DAB1: variants seen among roughly 807,000 people sequenced by gnomAD.
DAB1 encodes the protein disabled homolog 1.
DAB1 carries 15 observed loss-of-function variants against 64.6 expected under a neutral mutation model. The ratio of observed to expected loss-of-function variants is 0.23; its 90% CI spans 0.16 to 0.36. The LOEUF is 0.36. Among genes scored for constraint, DAB1 ranks in the 10% least tolerant of loss-of-function variants. DAB1 has a pLI of 1.00. For missense variants in DAB1, 596 were observed against 706.7 expected (o/e 0.84, Z 1.78); for synonymous variants, 235 against 251.9 (o/e 0.93, Z 0.64).
intron 7 of DAB1, among the ~76,000 whole-genome samples, chr1:57,553,380 GAAA>G (rs1558486846): frequency 4.3e-4 from 2 of 4,618 alleles, no homozygotes; most frequent in Non-Finnish European, 6.3e-3. Context: ...AAGGAAGGAA[GAAA>G]GAGAAAGAAA....
intron 4 of DAB1, among the ~76,000 whole-genome samples, chr1:58,263,882 T>C (rs992180908): frequency 6.6e-6 from 1 of 152,328 alleles, no homozygotes; most frequent in Middle Eastern, 3.4e-3. Context: ...AAGCACAACA[T>C]AAATGAATGT....
chr1:57,760,620 T>TCA lies in DAB1; in HGVS notation n.552-110957_552-110956dup, dbSNP rs60457752. Among the ~76,000 whole-genome samples, 173 of 140,492 alleles carry TCA rather than the reference T, an allele frequency of 1.2e-3. No homozygotes were observed. In the South Asian group the frequency reaches 0.016, roughly 13 times the overall value. 92.2% of individuals were successfully genotyped at this position (140,492 alleles called of 152,430 possible). ...ACTTCTTTCTCTCTCTCTCTCTCTC[T>TCA]CACACACACACACACACACACAGAC... On this transcript the variant is annotated intron_variant and non_coding_transcript_variant, in intron 6 of 20. Transcript: ENST00000485760.
intron 3 of DAB1, among the ~76,000 whole-genome samples, chr1:58,391,417 G>T (rs1276601530): frequency 3.9e-5 from 6 of 152,228 alleles, no homozygotes; most frequent in Admixed American, 2.6e-4. Flanking sequence ...GGGCAGAGGA[G>T]GAGGGAGAAC....
intron 5 of DAB1, among the ~76,000 whole-genome samples, chr1:58,055,813 G>A (rs1290407486): frequency 1.3e-5 from 2 of 151,644 alleles, no homozygotes; most frequent in Non-Finnish European, 2.9e-5. Flanking sequence ...TCTGTCTTCT[G>A]GGCTCAAGTG....
intron 1 of DAB1, among the ~76,000 whole-genome samples, chr1:57,398,433 A>G (rs1246497486): frequency 6.6e-6 from 1 of 152,212 alleles, no homozygotes; most frequent in East Asian, 1.9e-4. Context: ...AGCAGATAAT[A>G]AAAACTTGCA....
At chr1:57,347,553 C>T (rs1052764328) in intron 1 of DAB1, among the ~76,000 whole-genome samples, 8 of 152,140 alleles carry the variant, frequency 5.3e-5, no homozygotes, top group Admixed American at 4.6e-4. Flanking sequence ...TTCCAGGGTT[C>T]AGAGCCCCCA....
chr1:58,089,932 G>C (rs1650540252), intron 5 of DAB1, among the ~76,000 whole-genome samples: 1 of 152,210 alleles, frequency 6.6e-6, no homozygotes, highest in Non-Finnish European at 1.5e-5. Context: ...AAAAATACTA[G>C]TGGCGTTTGG....
At chr1:58,405,355 A>G (rs1164860249) in intron 3 of DAB1, among the ~76,000 whole-genome samples, 1 of 151,998 alleles carries the variant, frequency 6.6e-6, no homozygotes, top group East Asian at 1.9e-4. Flanking sequence ...TGATGATCAT[A>G]ACCTATAAAT....
intron 4 of DAB1, among the ~76,000 whole-genome samples, chr1:58,285,082 A>C (rs1661652434): frequency 6.6e-6 from 1 of 152,248 alleles, no homozygotes; most frequent in Non-Finnish European, 1.5e-5. Context: ...AGATGCAGAA[A>C]AAGCCTTCGA....
At position 57,968,194 on chromosome 1, in the gene DAB1, G is replaced by A. The variant is rs1377359934; in HGVS notation, n.388-84032C>T. 4.6e-5 allele frequency among the ~76,000 whole-genome samples: 7 copies of A among 152,200 alleles called. 1 individual carries two copies. In the South Asian group the frequency reaches 1.2e-3, roughly 27 times the overall value. ...CATGGAAATGACTCTAGGGTCTCCT[G>A]TGTCCTGTTTGTCACAGAGAACTCC... is the stretch of plus-strand genomic sequence containing the variant. On this transcript the variant is annotated intron_variant and non_coding_transcript_variant, in intron 5 of 20. Coordinates refer to the DAB1 transcript ENST00000485760.
chr1:57,453,522 G>A (rs1210069583), intron 7 of DAB1, among the ~76,000 whole-genome samples: 3 of 152,116 alleles, frequency 2.0e-5, no homozygotes, highest in Non-Finnish European at 2.9e-5. Flanking sequence ...TAGGTTTGCC[G>A]ATCTGAAGAA....
chr1:57,825,765 T>C (rs931112073), downstream of DAB1, among the ~76,000 whole-genome samples: 3 of 152,204 alleles, frequency 2.0e-5, no homozygotes, highest in Non-Finnish European at 4.4e-5. Flanking sequence ...ACCTGGTGTA[T>C]AGTAAAGGTA....
At chr1:57,301,451 A>G (rs971214088) in intron 1 of DAB1, among the ~76,000 whole-genome samples, 1 of 152,122 alleles carries the variant, frequency 6.6e-6, no homozygotes, top group Non-Finnish European at 1.5e-5. Context: ...TTGCTTTTGG[A>G]GACTGAACGC....
intron 5 of DAB1, among the ~76,000 whole-genome samples, chr1:58,062,585 G>A (rs1338113117): frequency 6.6e-6 from 1 of 152,206 alleles, no homozygotes; most frequent in Non-Finnish European, 1.5e-5. Context: ...CACAGTCACA[G>A]AGCAAGGCAT....
At position 57,687,599 on chromosome 1, in the gene DAB1, CAA is replaced by C. The variant is rs57316234; in HGVS notation, n.552-37936_552-37935del. On this transcript the variant is annotated intron_variant and non_coding_transcript_variant, in intron 6 of 20. Coordinates refer to the DAB1 transcript ENST00000485760. ...GAATATCGAAAGTAATCTTAAGAAACAAAAAAAAAAAAAAAAAAAAGAAAAAA... is the reference window on the plus strand; with the variant it reads ...GAATATCGAAAGTAATCTTAAGAAACAAAAAAAAAAAAAAAAAAGAAAAAA... Among the ~76,000 whole-genome samples the C allele has an allele frequency of 2.2e-3, 181 of 82,462 alleles. 1 individual carries two copies. Among genetic ancestry groups the C allele is most frequent in the Middle Eastern group, 0.01 (1 of 98 alleles). The allele number at this position is 82,462 out of a possible 152,430, so 54.1% of individuals were successfully genotyped here. A position where few individuals can be genotyped will look rare whatever the true frequency, so the allele number is the denominator to read the frequency against.
At chr1:58,262,532 C>T (rs1205270528) in intron 4 of DAB1, among the ~76,000 whole-genome samples, 1 of 152,066 alleles carries the variant, frequency 6.6e-6, no homozygotes, top group Non-Finnish European at 1.5e-5. Flanking sequence ...TTGCAGTGAG[C>T]TGAGATTTCA....
chr1:57,587,158 C>T (rs1195502231), intron 7 of DAB1, among the ~76,000 whole-genome samples: 1 of 152,174 alleles, frequency 6.6e-6, no homozygotes, highest in Non-Finnish European at 1.5e-5. Flanking sequence ...AAAGTTCTTC[C>T]TAAATGAGTA....
At chr1:57,054,548 G>T (rs377635731) in intron 9 of DAB1, among the ~76,000 whole-genome samples, 1 of 130,998 alleles carries the variant, frequency 7.6e-6, no homozygotes, top group East Asian at 2.3e-4. Flanking sequence ...TGCAATTTCC[G>T]CTCGCTGCAA....
At chr1:58,467,180 A>G (rs1465868820) in intron 3 of DAB1, among the ~76,000 whole-genome samples, 1 of 152,192 alleles carries the variant, frequency 6.6e-6, no homozygotes, top group Non-Finnish European at 1.5e-5. Context: ...GAACTCCCCA[A>G]GTTGTGAGGA....
Sources: gnomAD v4.1 joint callset for allele counts (sites outside exome capture counted in the v4.1 genomes callset) on GRCh38, gnomAD v4.1.1 for gene constraint, MANE v1.5 for transcripts, NCBI Gene and HGNC (gene_info 2026-07-23, HGNC 2026-07-21) for gene names.